The following TOP2A variants were observed in gnomAD, a reference collection of about 807,000 sequenced individuals.
TOP2A encodes DNA topoisomerase 2-alpha.
TOP2A carries 68 observed loss-of-function variants against 187.2 expected under a neutral mutation model. That is an observed-to-expected ratio of 0.36 (90% confidence interval 0.30 to 0.44). The LOEUF is 0.44. TOP2A is among the 20% of genes least tolerant of loss of function. TOP2A has a pLI of 1.00. For synonymous variants in TOP2A, 542 were observed against 593.2 expected (o/e 0.91, Z 1.25); for missense variants, 1,196 against 1,808.7 (o/e 0.66, Z 6.14).
At chr17:40,412,642 TCAAA>T (rs367747137) in intron 7 of TOP2A, 113 bp downstream of exon 7, 19,001 of 886,356 alleles carry the variant, frequency 0.021, 360 homozygotes, top group African/African-American at 0.073. Flanking sequence ...AGACTCTGTC[TCAAA>T]CAAACAAACA....
chr17:40,396,173 G>A (rs1174727989), intron 28 of TOP2A, 110 bp downstream of exon 28: 4 of 596,158 alleles, frequency 6.7e-6, no homozygotes, highest in Non-Finnish European at 5.7e-6. Context: ...TAGAGACAGG[G>A]TTTCAACCAT....
In TOP2A at chr17:40,400,355, G is replaced by A. The variant is rs2035162280; in HGVS notation, c.2854C>T (p.Pro952Ser). ...PMLNGTEKTP[P>S]LITDYREYHT... ...TATTCCCTATAGTCTGTTATGAGAGGAGGTGTCTTCTCGGTGCCATTCAAC... is the reference window on the plus strand; with the variant it reads ...TATTCCCTATAGTCTGTTATGAGAGAAGGTGTCTTCTCGGTGCCATTCAAC... Residue 952 changes from proline to serine, a missense_variant, in exon 23 of 35, where the codon CCT becomes TCT. By Grantham distance (74) the Pro-to-Ser change is moderately conservative (BLOSUM62 -1). This residue lies in a region of TOP2A where 232 missense variants were observed against 306.1 expected (regional missense o/e 0.76). Transcript: ENST00000423485. The A allele has an allele frequency of 6.2e-7, 1 of 1,613,516 alleles. No individual in the cohort carries two copies. Among genetic ancestry groups the A allele is most frequent in the Admixed American group, 1.7e-5 (1 of 59,968 alleles).
rs1207821989 is a variant in TOP2A at position 40,411,349 on chromosome 17, C to T, written c.1065+5G>A. 5.0e-6 allele frequency: 8 copies of T among 1,613,510 alleles called. No homozygotes were observed. In the Admixed American group the frequency reaches 1.3e-4, roughly 27 times the overall value. On this transcript the variant is annotated splice_donor_5th_base_variant and intron_variant, in intron 9 of 34. Coordinates refer to ENST00000423485, the MANE Select transcript of TOP2A (RefSeq NM_001067.4). This position sits in a 1 kb window ranked among gnomAD's most constrained non-coding sequence, Gnocchi z 4.4. ...TAGAAAAAGAAAACTGCCAAAAGCACATACCTGATGTGCTTTTACTGCAAC... is the reference window on the plus strand; with the variant it reads ...TAGAAAAAGAAAACTGCCAAAAGCATATACCTGATGTGCTTTTACTGCAAC...
intron 4 of TOP2A, among the ~76,000 whole-genome samples, 182 bp from the exon 5 acceptor site, chr17:40,413,807 T>C (rs1198522153): frequency 2.6e-5 from 4 of 152,146 alleles, no homozygotes; most frequent in Non-Finnish European, 5.9e-5. Flanking sequence ...CCAGGAGTTC[T>C]GGCCAACATG....
intron 11 of TOP2A, 32 bp from the exon 12 acceptor site, chr17:40,408,156 A>G (rs2143670274): frequency 1.3e-6 from 2 of 1,501,558 alleles, no homozygotes; most frequent in Non-Finnish European, 1.8e-6. Flanking sequence ...TAATATTAGC[A>G]CATTTAGTTC....
Position 40,395,616 on chromosome 17 carries a change from C to G in TOP2A, c.3721-77G>C. ...GATTAGAGATTTTATACATTTTTGG[C>G]TGGGAGCGGTGGCTCACGCCTGTAA... On this transcript the variant is annotated intron_variant, in intron 28 of 34. Coordinates refer to ENST00000423485, the MANE Select transcript of TOP2A (RefSeq NM_001067.4). 3 of 1,118,100 alleles carry G rather than the reference C, an allele frequency of 2.7e-6. 1 individual carries two copies. The South Asian group carries it at 4.3e-5, about 16-fold the overall frequency. 69.3% of individuals were successfully genotyped at this position (1,118,100 alleles called of 1,614,324 possible).
At position 40,389,107 on chromosome 17, in the gene TOP2A, C is replaced by T. The variant is rs2034992018; in HGVS notation, c.*412G>A. On this transcript the variant is annotated 3_prime_UTR_variant, in exon 35 of 35. Coordinates refer to ENST00000423485, the MANE Select transcript of TOP2A (RefSeq NM_001067.4). ...AACTAAGATAAAACAGATAATTATGCTCTATCTCATATCTACTGAAAGTAG... is the reference window on the plus strand; with the variant it reads ...AACTAAGATAAAACAGATAATTATGTTCTATCTCATATCTACTGAAAGTAG... The T allele has an allele frequency of 8.8e-6, 2 of 226,168 alleles. No homozygotes were observed. Among genetic ancestry groups the T allele is most frequent in the South Asian group, 3.6e-4 (2 of 5,534 alleles). 14.0% of individuals were successfully genotyped at this position (226,168 alleles called of 1,614,324 possible).
chr17:40,397,000 G>C (rs1255090542), intron 27 of TOP2A, among the ~76,000 whole-genome samples: 1 of 149,424 alleles, frequency 6.7e-6, no homozygotes, highest in Non-Finnish European at 1.5e-5. Flanking sequence ...CTCCCACCTT[G>C]GCCTCCGGAG....
At chr17:40,403,465 T>C (rs1296290111) in intron 19 of TOP2A, among the ~76,000 whole-genome samples, 2 of 152,228 alleles carry the variant, frequency 1.3e-5, no homozygotes, top group Non-Finnish European at 2.9e-5. Context: ...ACCTGGTACA[T>C]GGTAGGCATT....
At chr17:40,413,455 A>G (rs1003965422) in intron 5 of TOP2A, 25 bp downstream of exon 5, 67 of 1,493,414 alleles carry the variant, frequency 4.5e-5, no homozygotes, top group Non-Finnish European at 5.6e-5. Flanking sequence ...AGCAACAAAT[A>G]TGTTATTTCC....
intron 19 of TOP2A, 97 bp downstream of exon 19, chr17:40,404,055 A>AATAT: frequency 6.8e-7 from 1 of 1,462,270 alleles, no homozygotes; most frequent in Non-Finnish European, 9.2e-7. Flanking sequence ...CTTTACTATG[A>AATAT]ATATATGAGC....
chr17:40,399,321 G>A, intron 24 of TOP2A, 190 bp from the exon 25 acceptor site: 1 of 460,770 alleles, frequency 2.2e-6, no homozygotes. Context: ...CAAGGGGGCA[G>A]TCAAATCATA....
At chr17:40,410,820 G>C (rs2035311764) in intron 10 of TOP2A, 2 of 423,676 alleles carry the variant, frequency 4.7e-6, no homozygotes, top group East Asian at 1.1e-4. Flanking sequence ...TGGATGTGTT[G>C]ACTGAAAGCA....
In TOP2A at chr17:40,406,693, T is replaced by C. The variant is rs1427710035; in HGVS notation, c.1738-4A>G. The C allele has an allele frequency of 1.2e-6, 2 of 1,610,372 alleles. No individual in the cohort carries two copies. Among genetic ancestry groups the C allele is most frequent in the Non-Finnish European group, 1.7e-6 (2 of 1,177,968 alleles). On this transcript the variant is annotated splice_polypyrimidine_tract_variant and splice_region_variant and intron_variant, in intron 14 of 34. Coordinates refer to ENST00000423485, the MANE Select transcript of TOP2A (RefSeq NM_001067.4). ...TTTCTTGCTTGTTTTTAGATACCTG[T>C]GATAAAAAACAATGACTGTGGCTTT... is the stretch of plus-strand genomic sequence containing the variant.
intron 28 of TOP2A, 147 bp downstream of exon 28, chr17:40,396,136 T>A: frequency 2.0e-6 from 1 of 507,428 alleles, no homozygotes; most frequent in South Asian, 2.9e-5. Flanking sequence ...CCTGCCACCA[T>A]GCCCGCCTAA....
Position 40,411,120 on chromosome 17 carries a change from A to AT in TOP2A, c.1191dup (p.Phe398IlefsTer21), listed in dbSNP as rs760266256. 11 of 1,603,842 alleles carry AT rather than the reference A, an allele frequency of 6.9e-6. No homozygotes were observed. Among genetic ancestry groups the AT allele is most frequent in the Non-Finnish European group, 8.5e-6 (10 of 1,177,150 alleles). The stretch of plus-strand genomic sequence containing the variant: ...CTCTAAGTACTCACAGCTTTGATAA[A>AT]TTTTTCACTCAATTGGCATGTTGAT... On this transcript the variant is annotated frameshift_variant, in exon 10 of 35. Coordinates refer to ENST00000423485, the MANE Select transcript of TOP2A (RefSeq NM_001067.4). LOFTEE classifies it high-confidence loss of function. This position sits in a 1 kb window ranked among gnomAD's most constrained non-coding sequence, Gnocchi z 4.4.
chr17:40,397,649 T>C (rs915507186), intron 27 of TOP2A, among the ~76,000 whole-genome samples: 1 of 152,114 alleles, frequency 6.6e-6, no homozygotes, highest in Non-Finnish European at 1.5e-5. Flanking sequence ...TTTAGGCTCT[T>C]TTTATCTTCT....
intron 32 of TOP2A, 70 bp from the exon 33 acceptor site, chr17:40,391,710 C>T: frequency 1.4e-6 from 2 of 1,414,036 alleles, no homozygotes; most frequent in Non-Finnish European, 9.3e-7. Flanking sequence ...CTGCTTTGTC[C>T]CTGGTATGAA....
At chr17:40,413,363 G>C in intron 5 of TOP2A, 71 bp from the exon 6 acceptor site, 2 of 1,411,716 alleles carry the variant, frequency 1.4e-6, no homozygotes, top group Non-Finnish European at 1.9e-6. Flanking sequence ...TTAATCACTG[G>C]CAGAGCTATT....
Sources: allele counts gnomAD v4.1 joint callset (sites outside exome capture counted in the v4.1 genomes callset), GRCh38; gene constraint gnomAD v4.1.1; regional missense constraint gnomAD v4.1.1; non-coding constraint Gnocchi (gnomAD v3.1); transcripts MANE v1.5; gene names NCBI Gene and HGNC (gene_info 2026-07-23, HGNC 2026-07-21).